COL4A3: variants seen among roughly 807,000 people sequenced by gnomAD.
COL4A3 encodes collagen alpha-3(IV) chain.
Under a neutral mutation model 217.4 loss-of-function variants are expected in COL4A3, and 135 were observed. The ratio of observed to expected loss-of-function variants is 0.62; its 90% CI spans 0.54 to 0.72. The LOEUF (loss-of-function observed/expected upper bound fraction) is 0.72. Among genes scored for constraint, COL4A3 ranks in the 30% least tolerant of loss-of-function variants. The pLI, the probability that COL4A3 is intolerant of heterozygous loss-of-function variation, is 0.00. For missense variants in COL4A3, 1,868 were observed against 2,119.9 expected (o/e 0.88, Z 2.33); for synonymous variants, 690 against 736.3 (o/e 0.94, Z 1.02).
intron 46 of COL4A3, 106 bp from the exon 47 acceptor site, chr2:227,304,879 G>T: frequency 4.4e-6 from 4 of 912,410 alleles, no homozygotes; most frequent in Non-Finnish European, 7.0e-6. Context: ...CAGGATGCAG[G>T]ACTTTCATTC....
In COL4A3 at chr2:227,253,615, C is replaced by T. The variant is rs910343678; in HGVS notation, c.742C>T (p.Leu248=). Residue 248 remains leucine, a synonymous_variant, in exon 13 of 52, where the codon CTA becomes TTA. Coordinates refer to ENST00000396578, the MANE Select transcript of COL4A3 (RefSeq NM_000091.5). This position sits in a 1 kb window ranked among gnomAD's most constrained non-coding sequence, Gnocchi z 4.4. ...PGPPGTVIVT[L]TGPDNRTDLK... Reference sequence around the variant, plus strand: ...ACCACCAGGAACAGTTATTGTGACCCTAACTGGCCCAGATAACAGAACGGT... The same window carrying T: ...ACCACCAGGAACAGTTATTGTGACCTTAACTGGCCCAGATAACAGAACGGT... 3 of 1,613,938 alleles carry T rather than the reference C, an allele frequency of 1.9e-6. No individual in the cohort carries two copies. Among genetic ancestry groups the T allele is most frequent in the African/African-American group, 2.7e-5 (2 of 74,882 alleles).
intron 1 of COL4A3, among the ~76,000 whole-genome samples, chr2:227,186,979 A>G (rs2066057218): frequency 6.6e-6 from 1 of 152,136 alleles, no homozygotes. Context: ...GGGACTCTTT[A>G]ATAAGGGCAC....
At chr2:227,249,230 ATT>A (rs1247683938) in intron 9 of COL4A3, among the ~76,000 whole-genome samples, 2 of 14,690 alleles carry the variant, frequency 1.4e-4, no homozygotes, top group East Asian at 2.7e-3. Context: ...ATATATATAT[ATT>A]TTTTTTTTTT....
At chr2:227,209,463 G>A (rs1455368389) in intron 1 of COL4A3, among the ~76,000 whole-genome samples, 1 of 152,126 alleles carries the variant, frequency 6.6e-6, no homozygotes, top group Non-Finnish European at 1.5e-5. Flanking sequence ...CTCTGTTAAC[G>A]CAGTACTAGC....
At chr2:227,179,475 C>T (rs114033103) in intron 1 of COL4A3, among the ~76,000 whole-genome samples, 3,644 of 152,226 alleles carry the variant, frequency 0.024, 91 homozygotes, top group Non-Finnish European at 0.034. Flanking sequence ...ATGTTGCTTC[C>T]CTTACTCAAC....
intron 21 of COL4A3, chr2:227,265,570 G>A (rs919435672): frequency 1.3e-5 from 2 of 152,226 alleles, no homozygotes; most frequent in African/African-American, 4.8e-5. Flanking sequence ...TTAGAGACCT[G>A]CTTTAAGGAT....
intron 42 of COL4A3, among the ~76,000 whole-genome samples, 200 bp downstream of exon 42, chr2:227,298,059 C>G (rs1032873274): frequency 6.6e-6 from 1 of 152,124 alleles, no homozygotes; most frequent in Non-Finnish European, 1.5e-5. Flanking sequence ...AATAAATTAA[C>G]GAGCCTGGCT....
chr2:227,228,936 C>T (rs2068242059), intron 1 of COL4A3, among the ~76,000 whole-genome samples: 1 of 152,172 alleles, frequency 6.6e-6, no homozygotes. Context: ...TAACAGCCCT[C>T]AGTGTATCCT....
intron 24 of COL4A3, 71 bp from the exon 25 acceptor site, chr2:227,270,699 A>G (rs2071182041): frequency 6.7e-7 from 1 of 1,492,724 alleles, no homozygotes; most frequent in Non-Finnish European, 9.3e-7. Context: ...TCTTGTCCAC[A>G]CTGTTTTTAA....
At chr2:227,247,670 T>C in intron 8 of COL4A3, 86 bp downstream of exon 8, 2 of 1,304,184 alleles carry the variant, frequency 1.5e-6, no homozygotes, top group East Asian at 2.3e-5. Flanking sequence ...ACTTAAGTCA[T>C]TACAAATAAG....
Position 227,193,752 on chromosome 2 carries a change from GGAAGGAAGGAA to G in COL4A3, c.87+28941_87+28951del, listed in dbSNP as rs1559809854. ...AGGAAGGAGGGAGGGAGGGAGGGAA[GGAAGGAAGGAA>G]GGAAGGAAGGAAGGAAGGAAGGAAG... On this transcript the variant is annotated intron_variant, in intron 1 of 51. Transcript: ENST00000396578. 3.3e-3 allele frequency among the ~76,000 whole-genome samples: 62 copies of G among 19,046 alleles called. 6 individuals carry two copies. Among genetic ancestry groups the G allele is most frequent in the East Asian group, 7.6e-3 (5 of 656 alleles). 12.5% of individuals were successfully genotyped at this position (19,046 alleles called of 152,430 possible). A position where few individuals can be genotyped will look rare whatever the true frequency, so the allele number is the denominator to read the frequency against.
intron 1 of COL4A3, among the ~76,000 whole-genome samples, chr2:227,222,150 T>TAAC (rs1353702801): frequency 3.3e-5 from 3 of 90,180 alleles, no homozygotes; most frequent in Non-Finnish European, 7.1e-5. Flanking sequence ...ATAATAATAA[T>TAAC]AATAATAATA....
At chr2:227,307,629 A>G in intron 47 of COL4A3, 81 bp from the exon 48 acceptor site, 1,482 of 781,394 alleles carry the variant, frequency 1.9e-3, no homozygotes, top group Non-Finnish European at 2.8e-3. Context: ...ACATATATAA[A>G]ATATATTTAA....
chr2:227,289,805 A>G (rs760927463), intron 35 of COL4A3, among the ~76,000 whole-genome samples, 194 bp from the exon 36 acceptor site: 1 of 152,166 alleles, frequency 6.6e-6, no homozygotes, highest in Non-Finnish European at 1.5e-5. Flanking sequence ...ACGAGAATCT[A>G]ACTTTCTTTA....
chr2:227,304,383 G>T (rs4675164), intron 46 of COL4A3: 35 of 392,088 alleles, frequency 8.9e-5, no homozygotes, highest in Non-Finnish European at 1.1e-4. Context: ...AGGGCAGCAT[G>T]TTTTTTTTAT....
chr2:227,224,433 C>A (rs1427868394), intron 1 of COL4A3, among the ~76,000 whole-genome samples: 11 of 151,704 alleles, frequency 7.3e-5, no homozygotes, highest in Admixed American at 1.3e-4. Context: ...ACTGAAAAAA[C>A]AAACAAACAA....
At chr2:227,284,422 G>C (rs1417520480) in intron 34 of COL4A3, 77 bp downstream of exon 34, 1 of 1,526,918 alleles carries the variant, frequency 6.5e-7, no homozygotes, top group Non-Finnish European at 8.9e-7. Flanking sequence ...AAATCCGTTT[G>C]GTTGACAAAT....
rs1574829581 is a variant in COL4A3 at position 227,301,025 on chromosome 2, G to A, written c.3883-2013G>A. On this transcript the variant is annotated intron_variant, in intron 43 of 51. Transcript: ENST00000396578. ...CCTTGGGAGGAGTCTGGAGGGCTAA[G>A]CAGGAGTCAGGTAACGGAGGTCTGG... 5.9e-5 allele frequency among the ~76,000 whole-genome samples: 9 copies of A among 152,300 alleles called. No homozygotes were observed. The South Asian group carries it at 1.9e-3, about 32-fold the overall frequency.
chr2:227,178,263 T>G (rs1340671677), intron 1 of COL4A3, among the ~76,000 whole-genome samples: 1 of 150,048 alleles, frequency 6.7e-6, no homozygotes, highest in Non-Finnish European at 1.5e-5. Flanking sequence ...GTGCCTGCAG[T>G]CTCAGCTACT....
Sources: allele counts gnomAD v4.1 joint callset (sites outside exome capture counted in the v4.1 genomes callset), GRCh38; gene constraint gnomAD v4.1.1; non-coding constraint Gnocchi (gnomAD v3.1); transcripts MANE v1.5; gene names NCBI Gene and HGNC (gene_info 2026-07-23, HGNC 2026-07-21).